ANKRD28: variants seen among roughly 807,000 people sequenced by gnomAD.
ANKRD28 encodes the protein ankyrin repeat domain 28.
Under a neutral mutation model 126.5 loss-of-function variants are expected in ANKRD28, and 44 were observed. That is an observed-to-expected ratio of 0.35 (90% CI 0.27 to 0.45). ANKRD28 has a LOEUF of 0.45. Among genes scored for constraint, ANKRD28 ranks in the 20% least tolerant of loss-of-function variants. The pLI is 1.00. For missense variants in ANKRD28, 1,110 were observed against 1,316.6 expected, an observed-to-expected ratio of 0.84 and a Z score of 2.43; for synonymous variants, 442 against 468.5, an observed-to-expected ratio of 0.94 and a Z score of 0.73.
chr3:15,810,365 A>T (rs974214467), intron 1 of ANKRD28, among the ~76,000 whole-genome samples: 1 of 152,184 alleles, frequency 6.6e-6, no homozygotes, highest in East Asian at 1.9e-4. Context: ...CTGAGACATA[A>T]GAAAATAATG....
Position 15,815,787 on chromosome 3 carries a change from ATTAT to A in ANKRD28, c.28-20485_28-20482del, listed in dbSNP as rs889715262. Among the ~76,000 whole-genome samples the A allele has an allele frequency of 7.2e-5, 11 of 152,326 alleles. No individual in the cohort carries two copies. Among genetic ancestry groups the A allele is most frequent in the African/African-American group, 2.6e-4 (11 of 41,570 alleles). On this transcript the variant is annotated intron_variant, in intron 1 of 27. Transcript: ENST00000399451. This position sits in a 1 kb window ranked among gnomAD's most constrained non-coding sequence, Gnocchi z 4.1. ...ATCTGTTATTTCTTCCCTTGTCAAA[ATTAT>A]TTATGAACAAATCAACCTCATCAGA... is the stretch of plus-strand genomic sequence containing the variant.
intron 2 of ANKRD28, among the ~76,000 whole-genome samples, chr3:15,783,262 A>G (rs1262068476): frequency 1.3e-5 from 2 of 151,158 alleles, no homozygotes; most frequent in Non-Finnish European, 3.0e-5. Context: ...ACATTTCACC[A>G]AAGATAAATG....
At position 15,773,278 on chromosome 3, in the gene ANKRD28, G is replaced by A. The variant is rs371544510; in HGVS notation, c.202-6966C>T. Among the ~76,000 whole-genome samples, 12 of 152,162 alleles carry A rather than the reference G, an allele frequency of 7.9e-5. No homozygotes were observed. The South Asian group carries it at 1.2e-3, about 16-fold the overall frequency. On this transcript the variant is annotated intron_variant, in intron 2 of 27. Coordinates refer to ENST00000683139, the MANE Select transcript of ANKRD28 (RefSeq NM_001349278.2). ...GGTATCATTTAGAATAGCATCAAAA[G>A]GTAAAAAGAGAAAGAAGGAAAATAA... is the stretch of plus-strand genomic sequence containing the variant.
intron 6 of ANKRD28, among the ~76,000 whole-genome samples, chr3:15,730,885 T>C (rs1254526353): frequency 6.6e-6 from 1 of 152,146 alleles, no homozygotes. Flanking sequence ...TAAGAGGTGA[T>C]TAGGCAATAA....
At chr3:15,728,324 T>C (rs2074339664) in intron 6 of ANKRD28, among the ~76,000 whole-genome samples, 1 of 152,258 alleles carries the variant, frequency 6.6e-6, no homozygotes, top group African/African-American at 2.4e-5. Context: ...AAACGGGGTC[T>C]TGCTCTGTCA....
chr3:15,767,462 G>A (rs2058791462), intron 2 of ANKRD28, among the ~76,000 whole-genome samples: 1 of 152,124 alleles, frequency 6.6e-6, no homozygotes, highest in Admixed American at 6.5e-5. Context: ...CCCAGTGAGA[G>A]AATACATTCC....
At chr3:15,691,015 T>G (rs898079068) in intron 17 of ANKRD28, among the ~76,000 whole-genome samples, 1 of 152,228 alleles carries the variant, frequency 6.6e-6, no homozygotes, top group Non-Finnish European at 1.5e-5. Flanking sequence ...AAAGAAGTAA[T>G]TCTTTTAGCA....
At chr3:15,841,072 A>G (rs1028661826) in intron 1 of ANKRD28, among the ~76,000 whole-genome samples, 34 of 152,322 alleles carry the variant, frequency 2.2e-4, no homozygotes, top group African/African-American at 8.2e-4. Context: ...TGGGAGGCAG[A>G]GGTTGCAGTA....
intron 1 of ANKRD28, among the ~76,000 whole-genome samples, chr3:15,855,924 T>C (rs1273191953): frequency 1.3e-5 from 2 of 152,234 alleles, no homozygotes; most frequent in South Asian, 2.1e-4. Flanking sequence ...GTGAACTTTA[T>C]GGTATGTGGG....
At chr3:15,777,430 C>T (rs996341802) in intron 2 of ANKRD28, among the ~76,000 whole-genome samples, 18 of 152,168 alleles carry the variant, frequency 1.2e-4, no homozygotes, top group South Asian at 6.2e-4. Context: ...ATCTGTGCAA[C>T]GCAATCTTAG....
At chr3:15,698,456 G>C (rs1310047082) in intron 14 of ANKRD28, among the ~76,000 whole-genome samples, 1 of 152,186 alleles carries the variant, frequency 6.6e-6, no homozygotes, top group Non-Finnish European at 1.5e-5. Flanking sequence ...AATTGTCTCT[G>C]TTTGCAGATG....
At chr3:15,835,179 A>T (rs1036283131) in intron 1 of ANKRD28, among the ~76,000 whole-genome samples, 1 of 152,180 alleles carries the variant, frequency 6.6e-6, no homozygotes, top group Admixed American at 6.5e-5. Context: ...GAAAGAGAGA[A>T]TTAAAAACAA....
Position 15,720,963 on chromosome 3 carries a change from TGC to T in ANKRD28, c.946_947del (p.Ala316IlefsTer18). The T allele has an allele frequency of 6.2e-7, 1 of 1,613,926 alleles. No homozygotes were observed. Among genetic ancestry groups the T allele is most frequent in the Non-Finnish European group, 8.5e-7 (1 of 1,179,838 alleles). ...LHFAAASTHG[A>X]LCLELLVGNG... The stretch of plus-strand genomic sequence containing the variant: ...TGCCAACTAGAAGCTCTAAACACAA[TGC>T]TCCATGTGTTGATGCAGCAGCAAAG... On this transcript the variant is annotated frameshift_variant, in exon 8 of 28. Coordinates refer to ENST00000683139, the MANE Select transcript of ANKRD28 (RefSeq NM_001349278.2). LOFTEE classifies it high-confidence loss of function.
chr3:15,791,809 G>C (rs1178600885), intron 2 of ANKRD28, among the ~76,000 whole-genome samples: 1 of 152,122 alleles, frequency 6.6e-6, no homozygotes, highest in East Asian at 1.9e-4. Context: ...AAAGTGAAGA[G>C]ACAACCCACA....
intron 13 of ANKRD28, 139 bp from the exon 14 acceptor site, chr3:15,708,203 C>A (rs904111654): frequency 2.1e-6 from 2 of 950,826 alleles, no homozygotes; most frequent in Admixed American, 5.3e-5. Flanking sequence ...CTAAGTCTTG[C>A]GGAGGACTGG....
At chr3:15,719,127 G>A (rs1008340011) in intron 8 of ANKRD28, among the ~76,000 whole-genome samples, 1 of 152,146 alleles carries the variant, frequency 6.6e-6, no homozygotes, top group Non-Finnish European at 1.5e-5. Flanking sequence ...GGCACTTTGT[G>A]ACATCTCATG....
At chr3:15,822,878 T>C (rs1242668830) in intron 1 of ANKRD28, among the ~76,000 whole-genome samples, 1 of 152,174 alleles carries the variant, frequency 6.6e-6, no homozygotes. Flanking sequence ...TTAGCTAGAC[T>C]GACAAAAAGA....
intron 1 of ANKRD28, among the ~76,000 whole-genome samples, chr3:15,855,124 GTTC>G (rs1368634719): frequency 6.6e-6 from 1 of 152,138 alleles, no homozygotes; most frequent in Non-Finnish European, 1.5e-5. Flanking sequence ...GGGCATCAGT[GTTC>G]TTCTTCAAGT....
intron 6 of ANKRD28, among the ~76,000 whole-genome samples, chr3:15,725,388 T>G (rs2074078964): frequency 6.6e-6 from 1 of 152,232 alleles, no homozygotes. Context: ...ATCTTCCTTT[T>G]GCCTAGATCT....
Sources: gnomAD v4.1 joint callset for allele counts (sites outside exome capture counted in the v4.1 genomes callset) on GRCh38, gnomAD v4.1.1 for gene constraint, Gnocchi (gnomAD v3.1) non-coding constraint, MANE v1.5 for transcripts, NCBI Gene and HGNC (gene_info 2026-07-23, HGNC 2026-07-21) for gene names.